The following ZFPM2 variants were observed in gnomAD, a reference collection of about 807,000 sequenced individuals.
The protein encoded by ZFPM2 is zinc finger protein ZFPM2.
A neutral mutation model predicts 98.6 loss-of-function variants in ZFPM2; 20 were observed. The ratio of observed to expected loss-of-function variants is 0.20; its 90% CI spans 0.14 to 0.29. The LOEUF (loss-of-function observed/expected upper bound fraction) is 0.29. ZFPM2 is among the 10% of genes least tolerant of loss of function. The pLI is 1.00. For synonymous variants in ZFPM2, 518 were observed against 502.7 expected (o/e 1.03, Z -0.41); for missense variants, 1,310 against 1,388.6 (o/e 0.94, Z 0.90).
intron 5 of ZFPM2, among the ~76,000 whole-genome samples, chr8:105,700,940 C>T (rs2130956713): frequency 6.6e-6 from 1 of 152,238 alleles, no homozygotes; most frequent in South Asian, 2.1e-4. Flanking sequence ...TTTTAAATTA[C>T]ATTTTGTTTT....
chr8:105,596,562 C>T (rs1651360878), intron 4 of ZFPM2, among the ~76,000 whole-genome samples: 1 of 151,922 alleles, frequency 6.6e-6, no homozygotes, highest in African/African-American at 2.4e-5. Context: ...TCCTAATACT[C>T]TTCCAAGTTT....
At chr8:105,439,708 C>T (rs1812197687) in intron 2 of ZFPM2, among the ~76,000 whole-genome samples, 1 of 152,172 alleles carries the variant, frequency 6.6e-6, no homozygotes, top group Non-Finnish European at 1.5e-5. Flanking sequence ...CCCTCTGGTG[C>T]TCAAATCCCT....
chr8:105,493,664 C>A (rs2130440827), intron 3 of ZFPM2, among the ~76,000 whole-genome samples: 1 of 152,206 alleles, frequency 6.6e-6, no homozygotes, highest in Non-Finnish European at 1.5e-5. Context: ...TATTCCAAAC[C>A]ATTACCTTTT....
At chr8:105,446,417 G>T (rs1812371021) in intron 3 of ZFPM2, among the ~76,000 whole-genome samples, 2 of 152,022 alleles carry the variant, frequency 1.3e-5, no homozygotes, top group African/African-American at 4.8e-5. Flanking sequence ...CCAGTGACTT[G>T]GGAGTAAGTA....
intron 5 of ZFPM2, among the ~76,000 whole-genome samples, chr8:105,635,996 C>A (rs1816840503): frequency 6.6e-6 from 1 of 151,942 alleles, no homozygotes; most frequent in South Asian, 2.1e-4. Flanking sequence ...ATGTGAAAGT[C>A]ATTTATGTTT....
chr8:105,461,372 A>G (rs375833960), intron 3 of ZFPM2, among the ~76,000 whole-genome samples: 5 of 152,282 alleles, frequency 3.3e-5, no homozygotes, highest in Middle Eastern at 6.8e-3. Context: ...ACCATGATTT[A>G]AAATTACCTG....
intron 5 of ZFPM2, among the ~76,000 whole-genome samples, chr8:105,754,083 A>G (rs1235603627): frequency 6.6e-6 from 1 of 152,120 alleles, no homozygotes; most frequent in Admixed American, 6.6e-5. Flanking sequence ...TAAATTTCTC[A>G]TCAGTACTGT....
chr8:105,451,331 A>G (rs770335807), intron 3 of ZFPM2, among the ~76,000 whole-genome samples: 4 of 152,024 alleles, frequency 2.6e-5, no homozygotes, highest in African/African-American at 4.8e-5. Context: ...ATATATGACA[A>G]TTCACCAATT....
At chr8:105,468,243 C>T (rs752685268) in intron 3 of ZFPM2, among the ~76,000 whole-genome samples, 2 of 152,152 alleles carry the variant, frequency 1.3e-5, no homozygotes, top group African/African-American at 2.4e-5. Flanking sequence ...GTACTTGACA[C>T]TTGCCTGCCA....
At chr8:105,334,418 G>C (rs1812289594) in intron 1 of ZFPM2, among the ~76,000 whole-genome samples, 1 of 151,472 alleles carries the variant, frequency 6.6e-6, no homozygotes, top group Non-Finnish European at 1.5e-5. Flanking sequence ...TACCAAAAGT[G>C]AGCACTCAAG....
At chr8:105,715,400 C>T (rs1437801117) in intron 5 of ZFPM2, among the ~76,000 whole-genome samples, 4 of 131,102 alleles carry the variant, frequency 3.1e-5, no homozygotes, top group Admixed American at 7.8e-5. Context: ...AGTGAGACCC[C>T]ATCTCTTGAA....
chr8:105,575,577 A>G (rs555125954), intron 4 of ZFPM2, among the ~76,000 whole-genome samples: 1 of 152,250 alleles, frequency 6.6e-6, no homozygotes, highest in African/African-American at 2.4e-5. Flanking sequence ...TTTAATGGTA[A>G]AATTCTGTGA....
intron 4 of ZFPM2, among the ~76,000 whole-genome samples, chr8:105,587,208 C>T (rs1275389003): frequency 6.4e-5 from 9 of 140,544 alleles, no homozygotes; most frequent in East Asian, 2.3e-4. Context: ...ACCCGGGAGG[C>T]GGAGCTTGCA....
intron 2 of ZFPM2, among the ~76,000 whole-genome samples, chr8:105,424,862 A>G (rs1326275153): frequency 3.9e-5 from 6 of 152,218 alleles, no homozygotes; most frequent in Non-Finnish European, 8.8e-5. Context: ...GAGAGAGGCA[A>G]TAAACAATTG....
At chr8:105,795,892 T>G (rs1813791254) in intron 6 of ZFPM2, 1 of 359,938 alleles carries the variant, frequency 2.8e-6, no homozygotes, top group African/African-American at 2.2e-5. Context: ...ATTCTGAAGT[T>G]AGTAGGTAAG....
rs142230291 is a variant in ZFPM2, at chr8:105,429,445, AAT to A, written c.199+10162_199+10163del. On this transcript the variant is annotated intron_variant, in intron 2 of 7. Coordinates refer to ENST00000407775, the MANE Select transcript of ZFPM2 (RefSeq NM_012082.4). ...AAAACGTGCACAAGTTAGACAAGGA[AAT>A]ATATATATATATATATATGGAAATA... 2.7e-3 allele frequency among the ~76,000 whole-genome samples: 367 copies of A among 138,040 alleles called. 16 individuals carry two copies. The highest frequency in any genetic ancestry group is 8.3e-3 in the African/African-American group (265 of 32,024). 90.6% of individuals were successfully genotyped at this position (138,040 alleles called of 152,430 possible).
intron 2 of ZFPM2, among the ~76,000 whole-genome samples, chr8:105,440,082 T>C (rs1268796142): frequency 6.6e-6 from 1 of 152,224 alleles, no homozygotes; most frequent in Non-Finnish European, 1.5e-5. Context: ...AAGTTTCTTA[T>C]ATTCTTTGTA....
In ZFPM2 at chr8:105,795,414, C is replaced by T. The variant is rs138279917; in HGVS notation, c.740-3310C>T. 1.5e-4 allele frequency among the ~76,000 whole-genome samples: 23 copies of T among 151,630 alleles called. No homozygotes were observed. In the East Asian group the frequency reaches 4.5e-3, roughly 30 times the overall value. On this transcript the variant is annotated intron_variant, in intron 6 of 7. Transcript: ENST00000407775. ...ATGAGTTCAATAATATTCAAGGCTA[C>T]TTAGCTGTGAGAAGGCGAGCACCTT...
intron 1 of ZFPM2, chr8:105,319,692 G>C (rs1000580741): frequency 2.6e-5 from 4 of 152,318 alleles, no homozygotes; most frequent in African/African-American, 7.2e-5. Context: ...GTGGTGTCTG[G>C]CCCTGGTGGC....
Sources: gnomAD v4.1 joint callset for allele counts (sites outside exome capture counted in the v4.1 genomes callset) on GRCh38, gnomAD v4.1.1 for gene constraint, MANE v1.5 for transcripts, NCBI Gene and HGNC (gene_info 2026-07-23, HGNC 2026-07-21) for gene names.